ZNF91: variants seen among roughly 807,000 people sequenced by gnomAD.
The protein encoded by ZNF91 is zinc finger protein 91 (HPF7, HTF10).
In ZNF91, 7 loss-of-function variants were observed where a neutral mutation model predicts 12.6. The ratio of observed to expected loss-of-function variants is 0.55; its 90% CI spans 0.31 to 1.04. ZNF91 has a LOEUF of 1.04. Among genes scored for constraint, ZNF91 ranks in the 50% least tolerant of loss-of-function variants. The pLI, the probability that ZNF91 is intolerant of heterozygous loss-of-function variation, is 0.05. For missense variants in ZNF91, 1,217 were observed against 1,385.4 expected (o/e 0.88, Z 1.93); for synonymous variants, 453 against 462.6 (o/e 0.98, Z 0.27).
At chr19:23,368,510 ATCTCTCTCTC>A (rs573590418) in intron 3 of ZNF91, among the ~76,000 whole-genome samples, 6,466 of 94,242 alleles carry the variant, frequency 0.069, 334 homozygotes, top group African/African-American at 0.11. Context: ...GCGAAACTCC[ATCTCTCTCTC>A]TCTCTCTCTC....
intron 1 of ZNF91, chr19:23,329,063 A>C (rs1454347585): frequency 6.6e-6 from 1 of 152,256 alleles, no homozygotes; most frequent in East Asian, 1.9e-4. Context: ...CTGATAAACC[A>C]ATGTTACATT....
intron 3 of ZNF91, among the ~76,000 whole-genome samples, chr19:23,344,844 C>A (rs1968189678): frequency 6.6e-6 from 1 of 152,216 alleles, no homozygotes; most frequent in Admixed American, 6.5e-5. Context: ...AGAGCGGAAG[C>A]AGGAACAGTT....
chr19:23,391,014 T>C (rs1047767572), intron 1 of ZNF91, among the ~76,000 whole-genome samples: 3 of 152,242 alleles, frequency 2.0e-5, no homozygotes, highest in Non-Finnish European at 4.4e-5. Flanking sequence ...TTTCTTTGGG[T>C]ATATACCCAG....
downstream of ZNF91, among the ~76,000 whole-genome samples, chr19:23,354,619 A>C (rs1251206796): frequency 1.3e-5 from 2 of 152,208 alleles, no homozygotes; most frequent in African/African-American, 2.4e-5. Context: ...AGTCCTAGCC[A>C]GAGCAATCAG....
At position 23,361,170 on chromosome 19, in the gene ZNF91, C is replaced by A; in HGVS notation, c.1809G>T (p.Lys603Asn). The A allele has an allele frequency of 6.2e-7, 1 of 1,608,836 alleles. No homozygotes were observed. Among genetic ancestry groups the A allele is most frequent in the Non-Finnish European group, 8.5e-7 (1 of 1,178,394 alleles). The change falls in exon 4 of 4, where the codon AAG becomes AAT. Residue 603 changes from lysine (K) to asparagine (N), a missense_variant. Around this residue, in one of 2 missense-constraint regions of ZNF91, gnomAD observed 726 missense variants for 895.5 expected, o/e 0.81. Coordinates refer to ENST00000300619, the MANE Select transcript of ZNF91 (RefSeq NM_003430.4). Reference sequence around the variant, plus strand: ...GAAATGCTTTGCCACATTCTTCACACTTGTAAGACTTCTCTCCAGTATGAA... The same window carrying A: ...GAAATGCTTTGCCACATTCTTCACAATTGTAAGACTTCTCTCCAGTATGAA... ...KIIHTGEKSY[K>N]CEECGKAFLW... is the part of the protein sequence containing the mutation.
Position 23,357,824 on chromosome 19 carries a change from G to A in ZNF91, c.*1579C>T, listed in dbSNP as rs1433078023. The A allele has an allele frequency of 6.6e-6, 1 of 152,086 alleles. No individual in the cohort carries two copies. Among genetic ancestry groups the A allele is most frequent in the Non-Finnish European group, 1.5e-5 (1 of 68,004 alleles). 9.4% of individuals were successfully genotyped at this position (152,086 alleles called of 1,614,324 possible). ...AGAATTGAATTATTTGTAATACAAA[G>A]AATAAATGCTAGAGGTAATGGAGAC... On this transcript the variant is annotated 3_prime_UTR_variant, in exon 4 of 4. Coordinates refer to ENST00000300619, the MANE Select transcript of ZNF91 (RefSeq NM_003430.4).
At chr19:23,387,846 G>C (rs1282785284) in intron 1 of ZNF91, among the ~76,000 whole-genome samples, 2 of 148,538 alleles carry the variant, frequency 1.3e-5, no homozygotes, top group East Asian at 4.1e-4. Flanking sequence ...AGGAGGCTGA[G>C]ACAGGATAAT....
At chr19:23,362,948 A>T (rs1048538612) in intron 3 of ZNF91, among the ~76,000 whole-genome samples, 14 of 152,106 alleles carry the variant, frequency 9.2e-5, no homozygotes, top group Admixed American at 2.0e-4. Context: ...ATCTTGGCTC[A>T]CAGCAAGCCC....
chr19:23,372,134 T>C (rs969214346), intron 3 of ZNF91, among the ~76,000 whole-genome samples: 2 of 152,124 alleles, frequency 1.3e-5, no homozygotes, highest in African/African-American at 4.8e-5. Flanking sequence ...TTCTAGTATA[T>C]TGTCCTAAAT....
chr19:23,360,298 G>A lies in ZNF91; in HGVS notation c.2681C>T (p.Ser894Phe), dbSNP rs775877205. 6 of 1,613,652 alleles carry A rather than the reference G, an allele frequency of 3.7e-6. No individual in the cohort carries two copies. The highest frequency in any genetic ancestry group is 1.1e-5 in the South Asian group (1 of 91,064). ...SEECDKAFIW[S>F]STLTEHKRIH... ...TCTCTTATGTTCAGTAAGGGTTGAG[G>A]ACCAGATAAATGCTTTGTCACATTC... is the stretch of plus-strand genomic sequence containing the variant. Residue 894 changes from serine to phenylalanine, a missense_variant, in exon 4 of 4, where the codon TCC becomes TTC. By Grantham distance (155) the Ser-to-Phe change is radical (BLOSUM62 -2). Transcript: ENST00000300619.
downstream of ZNF91, among the ~76,000 whole-genome samples, chr19:23,354,421 T>C (rs1191182926): frequency 6.6e-6 from 1 of 152,144 alleles, no homozygotes; most frequent in Non-Finnish European, 1.5e-5. Flanking sequence ...TAGCATCCCT[T>C]TATGATTAAA....
rs1385002901 is a variant in ZNF91 at position 23,323,743 on chromosome 19, CTCCTCTT to C, written n.117-14653_117-14647del. ...TTCTACGCCTTCTCCTCATTCTCCT[CTCCTCTT>C]TTTCTCATTCTTTTCGTCTCCTCCT... On this transcript the variant is annotated intron_variant and non_coding_transcript_variant, in intron 1 of 1. Transcript: ENST00000596528. Among the ~76,000 whole-genome samples the C allele has an allele frequency of 6.6e-5, 7 of 105,588 alleles. No individual in the cohort carries two copies. In the East Asian group the frequency reaches 2.1e-3, roughly 31 times the overall value. 69.3% of individuals were successfully genotyped at this position (105,588 alleles called of 152,430 possible). A position where few individuals can be genotyped will look rare whatever the true frequency, so the allele number is the denominator to read the frequency against.
intron 3 of ZNF91, among the ~76,000 whole-genome samples, chr19:23,342,917 C>T (rs1377977755): frequency 6.6e-6 from 1 of 152,188 alleles, no homozygotes; most frequent in Non-Finnish European, 1.5e-5. Context: ...AACACCCACA[C>T]ATATTTAGCA....
At chr19:23,357,424 G>A (rs904809153), downstream of ZNF91, among the ~76,000 whole-genome samples, 6 of 152,168 alleles carry the variant, frequency 3.9e-5, no homozygotes, top group Non-Finnish European at 8.8e-5. Context: ...TTTGCTTTCA[G>A]CATTTTTGAG....
chr19:23,374,112 ACTAAT>A (rs1969406294), intron 2 of ZNF91, among the ~76,000 whole-genome samples: 2 of 152,092 alleles, frequency 1.3e-5, no homozygotes, highest in African/African-American at 2.4e-5. Flanking sequence ...TGAAATTACC[ACTAAT>A]CTAAAGTGAA....
At chr19:23,363,639 G>A (rs1968894685) in intron 3 of ZNF91, among the ~76,000 whole-genome samples, 1 of 152,004 alleles carries the variant, frequency 6.6e-6, no homozygotes, top group African/African-American at 2.4e-5. Flanking sequence ...CTCAATCAAA[G>A]ATTATAATGT....
intron 1 of ZNF91, among the ~76,000 whole-genome samples, chr19:23,394,027 G>A (rs1970152629): frequency 2.0e-5 from 3 of 151,974 alleles, no homozygotes; most frequent in South Asian, 2.1e-4. Flanking sequence ...GATTAAAATC[G>A]GTATCAAAAT....
rs747699088 is a variant in ZNF91 at position 23,322,705 on chromosome 19, TCAC to T, written n.117-13611_117-13609del. ...TCCATTCCTTTTCGTCTTCTCCTCC[TCAC>T]TTTTCTCCTCCTCTCCTCATCTCTT... is the stretch of plus-strand genomic sequence containing the variant. On this transcript the variant is annotated intron_variant and non_coding_transcript_variant, in intron 1 of 1. Transcript: ENST00000596528. Among the ~76,000 whole-genome samples the T allele has an allele frequency of 3.7e-3, 555 of 148,174 alleles. 5 individuals carry two copies. Among genetic ancestry groups the T allele is most frequent in the African/African-American group, 0.012 (478 of 39,728 alleles).
At chr19:23,327,333 C>T (rs577425953) in intron 1 of ZNF91, 1 of 151,966 alleles carries the variant, frequency 6.6e-6, no homozygotes, top group African/African-American at 2.4e-5. Context: ...TACTAAAAAT[C>T]AAAAATTTAA....
Sources: allele counts gnomAD v4.1 joint callset (sites outside exome capture counted in the v4.1 genomes callset), GRCh38; gene constraint gnomAD v4.1.1; regional missense constraint gnomAD v4.1.1; transcripts MANE v1.5; gene names NCBI Gene and HGNC (gene_info 2026-07-23, HGNC 2026-07-21).